LCK: variants seen among roughly 807,000 people sequenced by gnomAD.
The protein encoded by LCK is LCK proto-oncogene, Src family tyrosine kinase.
In LCK, 14 loss-of-function variants were observed where a neutral mutation model predicts 64.6. The ratio of observed to expected loss-of-function variants is 0.22; its 90% CI spans 0.14 to 0.34. The LOEUF (loss-of-function observed/expected upper bound fraction) is 0.34. Among genes scored for constraint, LCK ranks in the 10% least tolerant of loss-of-function variants. LCK has a pLI of 1.00. For synonymous variants in LCK, 277 were observed against 263.6 expected, an observed-to-expected ratio of 1.05 and a Z score of -0.49; for missense variants, 434 against 668.1, an observed-to-expected ratio of 0.65 and a Z score of 3.86.
intron 1 of LCK, among the ~76,000 whole-genome samples, chr1:32,265,360 C>T (rs1024474648): frequency 3.3e-5 from 5 of 152,218 alleles, no homozygotes; most frequent in Non-Finnish European, 7.3e-5. Context: ...AGCATGTAAA[C>T]TTCAGGCTGG....
chr1:32,273,618 C>T (rs1311319318), intron 1 of LCK, among the ~76,000 whole-genome samples: 1 of 152,018 alleles, frequency 6.6e-6, no homozygotes, highest in Non-Finnish European at 1.5e-5. Flanking sequence ...AACAGGCACA[C>T]ATTTATCACT....
chr1:32,274,936 C>T, intron 3 of LCK, 57 bp from the exon 4 acceptor site: 1 of 1,614,182 alleles, frequency 6.2e-7, no homozygotes. Flanking sequence ...CACCCTGTAA[C>T]TCCAGGCTTC....
At chr1:32,263,446 TAAAA>T (rs1422233068) in intron 1 of LCK, among the ~76,000 whole-genome samples, 2 of 136,778 alleles carry the variant, frequency 1.5e-5, no homozygotes, top group African/African-American at 2.9e-5. Flanking sequence ...AATAAATAAA[TAAAA>T]ATTAGACTGG....
At chr1:32,260,168 C>T (rs1336253292) in intron 1 of LCK, among the ~76,000 whole-genome samples, 4 of 151,978 alleles carry the variant, frequency 2.6e-5, no homozygotes, top group African/African-American at 4.8e-5. Context: ...TGCACCACCA[C>T]GTTCAGCTAA....
At chr1:32,284,263 TATATATATCTGTGAG>T (rs1469944377) in intron 12 of LCK, among the ~76,000 whole-genome samples, 2 of 149,156 alleles carry the variant, frequency 1.3e-5, no homozygotes, top group African/African-American at 2.5e-5. Context: ...TATATATATA[TATATATATCTGTGAG>T]ATATATATAT....
At chr1:32,268,463 C>T (rs1186161539) in intron 1 of LCK, among the ~76,000 whole-genome samples, 1 of 151,376 alleles carries the variant, frequency 6.6e-6, no homozygotes, top group Non-Finnish European at 1.5e-5. Flanking sequence ...TAGGCATGCA[C>T]CACCATGCCC....
rs1640197819 is a variant in LCK, at chr1:32,274,616, G to A, written c.106-121G>A. 11 of 966,508 alleles carry A rather than the reference G, an allele frequency of 1.1e-5. No individual in the cohort carries two copies. The South Asian group carries it at 1.6e-4, about 14-fold the overall frequency. The allele number at this position is 966,508 out of a possible 1,614,324, so 59.9% of individuals were successfully genotyped here. ...CCTAAGATCACACAGAAAGTAGTTGGTAAACTCAGGGATAACATCTAACCA... is the reference window on the plus strand; with the variant it reads ...CCTAAGATCACACAGAAAGTAGTTGATAAACTCAGGGATAACATCTAACCA... On this transcript the variant is annotated intron_variant, in intron 2 of 12. Coordinates refer to ENST00000336890, the MANE Select transcript of LCK (RefSeq NM_005356.5).
At chr1:32,277,713 G>A (rs183023414) in intron 9 of LCK, among the ~76,000 whole-genome samples, 62 of 152,258 alleles carry the variant, frequency 4.1e-4, no homozygotes, top group Admixed American at 3.1e-3. Context: ...TATTCATCAA[G>A]GCCTCTAGAG....
At chr1:32,259,303 G>C (rs147616981) in intron 1 of LCK, among the ~76,000 whole-genome samples, 2 of 19,354 alleles carry the variant, frequency 1.0e-4, no homozygotes, top group African/African-American at 3.9e-4. Context: ...AAAAAAAAAA[G>C]AAAAAGAAAA....
At chr1:32,271,153 A>G (rs111302884) in intron 1 of LCK, among the ~76,000 whole-genome samples, 5 of 151,930 alleles carry the variant, frequency 3.3e-5, no homozygotes, top group East Asian at 1.9e-4. Flanking sequence ...GGCATGCCCC[A>G]TCACACCTGG....
At chr1:32,259,663 A>G (rs1639719833) in intron 1 of LCK, among the ~76,000 whole-genome samples, 1 of 151,762 alleles carries the variant, frequency 6.6e-6, no homozygotes, top group African/African-American at 2.4e-5. Flanking sequence ...TAATAATAAT[A>G]GCCAGGCGTG....
At chr1:32,285,416 T>C (rs1198277759) in intron 12 of LCK, 98 bp from the exon 13 acceptor site, 1 of 1,050,724 alleles carries the variant, frequency 9.5e-7, no homozygotes, top group Non-Finnish European at 1.5e-6. Context: ...TCTTTTGGAT[T>C]GGTGCTCACA....
rs751709513 is a variant in LCK, at chr1:32,274,726, C to T, written c.106-11C>T. 1.9e-6 allele frequency: 3 copies of T among 1,566,084 alleles called. No homozygotes were observed. The highest frequency in any genetic ancestry group is 2.6e-6 in the Non-Finnish European group (3 of 1,152,776). ...TGCTTTCTGACCCCACCCTCATCCC[C>T]CACTCCACAGCTGCTCATCCGAAAT... On this transcript the variant is annotated splice_polypyrimidine_tract_variant and intron_variant, in intron 2 of 12. Transcript: ENST00000336890.
Position 32,285,689 on chromosome 1 carries a change from A to C in LCK, c.1503A>C (p.Thr501=), listed in dbSNP as rs1427393391. Residue 501 remains threonine (T), a synonymous_variant, in exon 13 of 13, where the codon ACA becomes ACC. Transcript: ENST00000336890. ...RSVLEDFFTA[T]EGQYQPQP is the part of the protein sequence containing the mutation. The stretch of plus-strand genomic sequence containing the variant: ...TGCTGGAGGACTTCTTCACGGCCAC[A>C]GAGGGCCAGTACCAGCCTCAGCCTT... The C allele has an allele frequency of 6.2e-7, 1 of 1,609,432 alleles. No individual in the cohort carries two copies. Among genetic ancestry groups the C allele is most frequent in the South Asian group, 1.1e-5 (1 of 90,574 alleles).
At chr1:32,277,754 A>G (rs1443933092) in intron 9 of LCK, among the ~76,000 whole-genome samples, 1 of 152,190 alleles carries the variant, frequency 6.6e-6, no homozygotes, top group Non-Finnish European at 1.5e-5. Flanking sequence ...GCCTGGCTTC[A>G]TGATTTTATG....
chr1:32,270,764 C>T (rs559161234), intron 1 of LCK, among the ~76,000 whole-genome samples: 8 of 130,226 alleles, frequency 6.1e-5, no homozygotes, highest in East Asian at 2.3e-4. Context: ...AGTGCAATGG[C>T]GCAATTCCGG....
rs768820203 is a variant in LCK, at chr1:32,285,709, A to AGCCTTGAGAG, written c.*7_*16dup. ...GCCACAGAGGGCCAGTACCAGCCTC[A>AGCCTTGAGAG]GCCTTGAGAGGCCTTGAGAGGCCCT... On this transcript the variant is annotated stop_gained and frameshift_variant, in exon 13 of 13. Transcript: ENST00000336890. LOFTEE classifies it high-confidence loss of function. 168 of 1,597,812 alleles carry AGCCTTGAGAG rather than the reference A, an allele frequency of 1.1e-4. No individual in the cohort carries two copies. In the Admixed American group the frequency reaches 1.4e-3, roughly 13 times the overall value.
At chr1:32,253,309 C>A (rs1264715878) in intron 1 of LCK, among the ~76,000 whole-genome samples, 1 of 152,122 alleles carries the variant, frequency 6.6e-6, no homozygotes, top group East Asian at 1.9e-4. Context: ...TTGTAATGAG[C>A]AGAGATCGAG....
chr1:32,265,187 A>C (rs1366182472), intron 1 of LCK, among the ~76,000 whole-genome samples: 1 of 152,216 alleles, frequency 6.6e-6, no homozygotes, highest in African/African-American at 2.4e-5. Flanking sequence ...TGTCTCAAAA[A>C]AAAAAAAAAA....
Sources: gnomAD v4.1 joint callset for allele counts (sites outside exome capture counted in the v4.1 genomes callset) on GRCh38, gnomAD v4.1.1 for gene constraint, MANE v1.5 for transcripts, NCBI Gene and HGNC (gene_info 2026-07-23, HGNC 2026-07-21) for gene names.